Variants in ERI1 observed in about 807,000 individuals in gnomAD.
The protein encoded by ERI1 is exoribonuclease 1.
ERI1 carries 39 observed loss-of-function variants against 39.7 expected under a neutral mutation model. That is an observed-to-expected ratio of 0.98 (90% CI 0.76 to 1.28). The LOEUF (loss-of-function observed/expected upper bound fraction) is 1.28. ERI1 is among the 50% of genes most tolerant of loss of function. The pLI, the probability that ERI1 is intolerant of heterozygous loss-of-function variation, is 0.00. For synonymous variants in ERI1, 204 were observed against 149.6 expected (o/e 1.36, Z -2.65); for missense variants, 581 against 416.9 (o/e 1.39, Z -3.43).
At chr8:9,029,754 ACAC>A in intron 6 of ERI1, 35 bp from the exon 7 acceptor site, 1 of 1,611,886 alleles carries the variant, frequency 6.2e-7, no homozygotes, top group Non-Finnish European at 8.5e-7. Flanking sequence ...ACAGTTTAGA[ACAC>A]CAAAGAATTA....
At chr8:9,043,132 G>C (rs1336250920) in intron 3 of ERI1, among the ~76,000 whole-genome samples, 1 of 152,200 alleles carries the variant, frequency 6.6e-6, no homozygotes. Context: ...ACATAATTCG[G>C]ATTTATTTTT....
chr8:9,097,160 A>T (rs1450241001), intron 3 of ERI1, among the ~76,000 whole-genome samples: 1 of 151,732 alleles, frequency 6.6e-6, no homozygotes, highest in Non-Finnish European at 1.5e-5. Flanking sequence ...CTCCCCATGA[A>T]GCCTTTTGTG....
rs1378268715 is a variant in ERI1 at position 9,020,407 on chromosome 8, C to T, written c.750C>T (p.Tyr250=). The change falls in exon 6 of 7, where the codon TAC becomes TAT. Residue 250 remains tyrosine (Y), a synonymous_variant. Coordinates refer to ENST00000250263, the MANE Select transcript of ERI1 (RefSeq NM_153332.4). ...AGTGTCAACTCAGCAGGCTCAAATA[C>T]CCTCCTTTTGCGAAAAAGTGGATCA... ...NIQCQLSRLK[Y]PPFAKKWINI... The T allele has an allele frequency of 1.2e-6, 2 of 1,607,754 alleles. No individual in the cohort carries two copies. Among genetic ancestry groups the T allele is most frequent in the Non-Finnish European group, 1.7e-6 (2 of 1,177,518 alleles).
At chr8:9,057,957 C>G (rs1377867545) in intron 3 of ERI1, among the ~76,000 whole-genome samples, 1 of 152,066 alleles carries the variant, frequency 6.6e-6, no homozygotes, top group African/African-American at 2.4e-5. Flanking sequence ...TCAGAGAAGT[C>G]CAGGGGGTGG....
chr8:9,065,821 G>C (rs1319076428), intron 3 of ERI1, among the ~76,000 whole-genome samples: 1 of 152,076 alleles, frequency 6.6e-6, no homozygotes, highest in African/African-American at 2.4e-5. Flanking sequence ...GCAGGGCCTT[G>C]GAAGTTTTGA....
intron 3 of ERI1, chr8:9,099,877 G>A (rs966602193): frequency 1.3e-5 from 2 of 151,698 alleles, no homozygotes; most frequent in African/African-American, 4.9e-5. Context: ...GAGTGGAATT[G>A]CTGAGTCATG....
intron 1 of ERI1, among the ~76,000 whole-genome samples, 196 bp from the exon 2 acceptor site, chr8:9,007,774 G>A (rs1226147581): frequency 6.6e-6 from 1 of 152,100 alleles, no homozygotes; most frequent in African/African-American, 2.4e-5. Flanking sequence ...ATAATAGAGT[G>A]GGGTAAATTG....
At chr8:9,019,256 C>T (rs1277805189) in intron 5 of ERI1, among the ~76,000 whole-genome samples, 1 of 152,204 alleles carries the variant, frequency 6.6e-6, no homozygotes, top group Non-Finnish European at 1.5e-5. Flanking sequence ...TAAACAACTT[C>T]TGTTTCAAAC....
intron 3 of ERI1, among the ~76,000 whole-genome samples, chr8:9,077,225 A>T (rs960294845): frequency 3.6e-4 from 55 of 152,332 alleles, no homozygotes; most frequent in African/African-American, 1.3e-3. Context: ...TAAATGTGAC[A>T]TGCATTTCCC....
At chr8:9,027,549 G>T (rs1010208215) in intron 6 of ERI1, among the ~76,000 whole-genome samples, 4 of 151,976 alleles carry the variant, frequency 2.6e-5, no homozygotes, top group Non-Finnish European at 5.9e-5. Context: ...AGAAATCATT[G>T]TCCAATCCAT....
chr8:9,086,408 G>C lies in ERI1; in HGVS notation n.300-29940G>C, dbSNP rs11988705. 4.7e-3 allele frequency among the ~76,000 whole-genome samples: 720 copies of C among 152,194 alleles called. 6 individuals are homozygous for C. Among genetic ancestry groups the C allele is most frequent in the African/African-American group, 0.017 (699 of 41,524 alleles). On this transcript the variant is annotated intron_variant and non_coding_transcript_variant, in intron 3 of 3. Transcript: ENST00000518663. ...CTACAAAAAATACAAAAACTAGATG[G>C]GTGTGGTGATGTGCACATGTAGTCC...
intron 3 of ERI1, among the ~76,000 whole-genome samples, chr8:9,071,160 C>T (rs977181103): frequency 5.9e-5 from 9 of 152,162 alleles, no homozygotes; most frequent in African/African-American, 2.2e-4. Flanking sequence ...AGCTGTCTAA[C>T]GCGGGGCATT....
At chr8:9,094,044 A>G (rs986078891) in intron 3 of ERI1, among the ~76,000 whole-genome samples, 1 of 152,144 alleles carries the variant, frequency 6.6e-6, no homozygotes, top group African/African-American at 2.4e-5. Context: ...GCTAGCTTCA[A>G]CTATTACTAA....
chr8:9,049,149 A>G (rs1487351180), intron 3 of ERI1, among the ~76,000 whole-genome samples: 1 of 151,762 alleles, frequency 6.6e-6, no homozygotes, highest in East Asian at 2.0e-4. Flanking sequence ...AAGCTTGGCC[A>G]ACATGGTGAA....
rs556702690 is a variant in ERI1, at chr8:9,007,935, CTTTTTTTTTTTTTTTTTT to C, written c.109-23_109-6del. ...GTTTGTACTAATTATAAACTACATCCTTTTTTTTTTTTTTTTTTTTTTTTTTTTTGGTAGGAAACTCAA... is the reference window on the plus strand; with the variant it reads ...GTTTGTACTAATTATAAACTACATCCTTTTTTTTTTTGGTAGGAAACTCAA... On this transcript the variant is annotated splice_polypyrimidine_tract_variant and intron_variant, in intron 1 of 6. Coordinates refer to ENST00000250263, the MANE Select transcript of ERI1 (RefSeq NM_153332.4). 1.2e-4 allele frequency: 113 copies of C among 969,312 alleles called. No individual in the cohort carries two copies. The highest frequency in any genetic ancestry group is 1.5e-4 in the Non-Finnish European group (108 of 741,818). The allele number at this position is 969,312 out of a possible 1,614,324, so 60.0% of individuals were successfully genotyped here.
intron 6 of ERI1, among the ~76,000 whole-genome samples, chr8:9,022,210 A>G (rs926289727): frequency 3.9e-5 from 6 of 152,192 alleles, no homozygotes; most frequent in African/African-American, 9.6e-5. Context: ...GTGTGATACC[A>G]TCTCATTGAG....
chr8:9,019,728 A>T (rs1817684310), intron 5 of ERI1, among the ~76,000 whole-genome samples: 1 of 152,220 alleles, frequency 6.6e-6, no homozygotes, highest in Non-Finnish European at 1.5e-5. Flanking sequence ...ATAAGAAAAT[A>T]CAAAGGATTA....
At chr8:9,041,262 T>G (rs1342521531) in intron 3 of ERI1, among the ~76,000 whole-genome samples, 2 of 152,046 alleles carry the variant, frequency 1.3e-5, no homozygotes, top group African/African-American at 4.8e-5. Context: ...GTCGTAAAAT[T>G]TATGTTAAAT....
chr8:9,097,078 C>G (rs1468195328), intron 3 of ERI1, among the ~76,000 whole-genome samples: 2 of 152,118 alleles, frequency 1.3e-5, no homozygotes, highest in Non-Finnish European at 2.9e-5. Flanking sequence ...TCTCCCGCTT[C>G]CTCTGGAAGT....
Sources: allele counts gnomAD v4.1 joint callset (sites outside exome capture counted in the v4.1 genomes callset), GRCh38; gene constraint gnomAD v4.1.1; transcripts MANE v1.5; gene names NCBI Gene and HGNC (gene_info 2026-07-23, HGNC 2026-07-21).